TRPC6: variants seen among roughly 807,000 people sequenced by gnomAD.
TRPC6 encodes the protein transient receptor potential cation channel subfamily C member 6.
TRPC6 carries 55 observed loss-of-function variants against 90.7 expected under a neutral mutation model. That is an observed-to-expected ratio of 0.61 (90% CI 0.49 to 0.76). The LOEUF (loss-of-function observed/expected upper bound fraction) is 0.76, where lower values mean the gene tolerates loss of function less well. Ranked by LOEUF, TRPC6 falls within the 30% of genes least tolerant of loss-of-function variation. TRPC6 has a pLI of 0.00. For synonymous variants in TRPC6, 393 were observed against 393.0 expected (o/e 1.00, Z 0.00); for missense variants, 989 against 1,122.7 (o/e 0.88, Z 1.70).
intron 1 of TRPC6, among the ~76,000 whole-genome samples, chr11:101,552,056 G>A (rs746301290): frequency 9.2e-5 from 14 of 151,984 alleles, no homozygotes; most frequent in African/African-American, 2.4e-4. Context: ...GTCTTTTATC[G>A]GCATCCATGA....
chr11:101,523,802 C>A (rs1461735050), intron 1 of TRPC6, among the ~76,000 whole-genome samples: 3 of 152,204 alleles, frequency 2.0e-5, no homozygotes, highest in Admixed American at 2.0e-4. Context: ...AATGCATGTA[C>A]ATACAAGTAG....
chr11:101,530,793 C>T (rs1374604900), intron 1 of TRPC6, among the ~76,000 whole-genome samples: 3 of 152,016 alleles, frequency 2.0e-5, no homozygotes, highest in Admixed American at 1.3e-4. Context: ...TGGGACCCAA[C>T]AAAAGCAGAA....
rs371959897 is a variant in TRPC6, at chr11:101,567,071, T to TG, written c.170+16262dup. 2.4e-3 allele frequency among the ~76,000 whole-genome samples: 138 copies of TG among 58,144 alleles called. 1 individual carries two copies. Among genetic ancestry groups the TG allele is most frequent in the Middle Eastern group, 7.1e-3 (1 of 140 alleles). The allele number at this position is 58,144 out of a possible 152,430, so 38.1% of individuals were successfully genotyped here. On this transcript the variant is annotated intron_variant, in intron 1 of 12. Transcript: ENST00000344327. Reference sequence around the variant, plus strand: ...GGCTGAAGTCTGGCTCGGGGCGGGGTGGGGGGGGTCCAACCCCCATGGATC... The same window carrying TG: ...GGCTGAAGTCTGGCTCGGGGCGGGGTGGGGGGGGGTCCAACCCCCATGGATC...
chr11:101,452,637 G>A lies in TRPC6; in HGVS notation c.*318C>T, dbSNP rs1422139472. 11 of 293,452 alleles carry A rather than the reference G, an allele frequency of 3.7e-5. No individual in the cohort carries two copies. Among genetic ancestry groups the A allele is most frequent in the African/African-American group, 1.3e-4 (6 of 45,906 alleles). 18.2% of individuals were successfully genotyped at this position (293,452 alleles called of 1,614,324 possible). Reference sequence around the variant, plus strand: ...GAGTAACGTGGGTCAGCCCCTGTCCGCTGGGACCCATTTTCAGGCAGACAC... The same window carrying A: ...GAGTAACGTGGGTCAGCCCCTGTCCACTGGGACCCATTTTCAGGCAGACAC... On this transcript the variant is annotated 3_prime_UTR_variant, in exon 13 of 13. Coordinates refer to ENST00000344327, the MANE Select transcript of TRPC6 (RefSeq NM_004621.6).
intron 1 of TRPC6, among the ~76,000 whole-genome samples, chr11:101,572,568 T>C (rs921694293): frequency 6.6e-6 from 1 of 152,198 alleles, no homozygotes; most frequent in East Asian, 1.9e-4. Flanking sequence ...CATATGTTTA[T>C]TGCAGCACTG....
chr11:101,513,422 G>A (rs540794015), intron 1 of TRPC6, among the ~76,000 whole-genome samples: 55 of 152,158 alleles, frequency 3.6e-4, no homozygotes, highest in Middle Eastern at 3.4e-3. Context: ...CTCCTTGCTC[G>A]GGTGATGGGT....
chr11:101,500,541 T>G (rs1860093591), intron 2 of TRPC6, among the ~76,000 whole-genome samples: 2 of 152,092 alleles, frequency 1.3e-5, no homozygotes, highest in Non-Finnish European at 2.9e-5. Flanking sequence ...GGGTTGATTT[T>G]TGTAGTTTTT....
intron 7 of TRPC6, 24 bp downstream of exon 7, chr11:101,473,485 A>C (rs1859340840): frequency 6.2e-7 from 1 of 1,611,802 alleles, no homozygotes; most frequent in Non-Finnish European, 8.5e-7. Flanking sequence ...AATAACTATC[A>C]TCAAAATATC....
intron 1 of TRPC6, among the ~76,000 whole-genome samples, chr11:101,569,103 A>T (rs959471792): frequency 2.6e-5 from 4 of 152,092 alleles, no homozygotes; most frequent in African/African-American, 9.7e-5. Context: ...AGTGTGCTGT[A>T]TTCAGGAGAC....
At chr11:101,541,381 A>G (rs1861168861) in intron 1 of TRPC6, among the ~76,000 whole-genome samples, 1 of 151,536 alleles carries the variant, frequency 6.6e-6, no homozygotes, top group Non-Finnish European at 1.5e-5. Context: ...TTTTGTTTTG[A>G]GACGGAGTTT....
intron 4 of TRPC6, among the ~76,000 whole-genome samples, chr11:101,487,962 C>A (rs1206831709): frequency 6.6e-6 from 1 of 152,076 alleles, no homozygotes; most frequent in Admixed American, 6.6e-5. Flanking sequence ...AATTAGAAAA[C>A]AATATGTTAG....
chr11:101,484,864 T>G (rs1859639874), intron 4 of TRPC6, among the ~76,000 whole-genome samples: 1 of 152,102 alleles, frequency 6.6e-6, no homozygotes, highest in African/African-American at 2.4e-5. Context: ...AATTGACATA[T>G]ATTTGTACAT....
chr11:101,525,401 A>C (rs1404391787), intron 1 of TRPC6, among the ~76,000 whole-genome samples: 2 of 152,228 alleles, frequency 1.3e-5, no homozygotes, highest in African/African-American at 4.8e-5. Context: ...ACCGACAGCA[A>C]AGATGCTTAG....
chr11:101,453,096 C>T lies in TRPC6; in HGVS notation c.2655G>A (p.Lys885=), dbSNP rs1858800929. Residue 885 remains lysine, a synonymous_variant, in exon 13 of 13, where the codon AAG becomes AAA. Coordinates refer to ENST00000344327, the MANE Select transcript of TRPC6 (RefSeq NM_004621.6). ...GACTTGAGATGTCCTGCTTAATTTCCTTCAGTTCCCCTTTGAAAGCAAGAG... is the reference window on the plus strand; with the variant it reads ...GACTTGAGATGTCCTGCTTAATTTCTTTCAGTTCCCCTTTGAAAGCAAGAG... ...ESDEVNEGEL[K]EIKQDISSLR... is the part of the protein sequence containing the mutation. The T allele has an allele frequency of 2.5e-6, 4 of 1,611,894 alleles. No homozygotes were observed. The highest frequency in any genetic ancestry group is 3.4e-6 in the Non-Finnish European group (4 of 1,179,632).
At position 101,528,575 on chromosome 11, in the gene TRPC6, A is replaced by G. The variant is rs1363088096; in HGVS notation, c.171-23777T>C. On this transcript the variant is annotated intron_variant, in intron 1 of 12. Coordinates refer to ENST00000344327, the MANE Select transcript of TRPC6 (RefSeq NM_004621.6). The stretch of plus-strand genomic sequence containing the variant: ...TAGAGTTGCACATAATATGCACTCA[A>G]TAAATGTGTATATTACTATTGTATT... Among the ~76,000 whole-genome samples, 3 of 152,238 alleles carry G rather than the reference A, an allele frequency of 2.0e-5. No individual in the cohort carries two copies. In the South Asian group the frequency reaches 6.2e-4, roughly 32 times the overall value.
chr11:101,519,648 T>A (rs1565227316), intron 1 of TRPC6, among the ~76,000 whole-genome samples: 3 of 152,068 alleles, frequency 2.0e-5, no homozygotes, highest in Admixed American at 1.3e-4. Context: ...GGCTTCTTTC[T>A]TTCGTACTCC....
rs549834653 is a variant in TRPC6, at chr11:101,462,567, T to A, written c.2484+6860A>T. Among the ~76,000 whole-genome samples, 5 of 152,266 alleles carry A rather than the reference T, an allele frequency of 3.3e-5. No homozygotes were observed. In the South Asian group the frequency reaches 8.3e-4, roughly 25 times the overall value. On this transcript the variant is annotated intron_variant, in intron 10 of 12. Coordinates refer to ENST00000344327, the MANE Select transcript of TRPC6 (RefSeq NM_004621.6). ...ATTCCTAGGTATTTTATTCTCTTTGTAGCAATTGTGAATGGGAGTTCACTC... is the reference window on the plus strand; with the variant it reads ...ATTCCTAGGTATTTTATTCTCTTTGAAGCAATTGTGAATGGGAGTTCACTC...
rs200082005 is a variant in TRPC6, at chr11:101,583,541, G to A, written c.-38C>T. 9.4e-5 allele frequency: 133 copies of A among 1,417,304 alleles called. No homozygotes were observed. Among genetic ancestry groups the A allele is most frequent in the Non-Finnish European group, 1.1e-4 (125 of 1,091,378 alleles). The allele number at this position is 1,417,304 out of a possible 1,614,324, so 87.8% of individuals were successfully genotyped here. A position where few individuals can be genotyped will look rare whatever the true frequency, so the allele number is the denominator to read the frequency against. ...CGACTGGCCTGGGCCCCGCTCCCGGGGGAGCCGAGTGGGCAGTTCCAGCGG... is the reference window on the plus strand; with the variant it reads ...CGACTGGCCTGGGCCCCGCTCCCGGAGGAGCCGAGTGGGCAGTTCCAGCGG... On this transcript the variant is annotated 5_prime_UTR_variant, in exon 1 of 13. Coordinates refer to ENST00000344327, the MANE Select transcript of TRPC6 (RefSeq NM_004621.6).
chr11:101,507,363 G>A (rs1860299350), intron 1 of TRPC6, among the ~76,000 whole-genome samples: 1 of 150,864 alleles, frequency 6.6e-6, no homozygotes, highest in Non-Finnish European at 1.5e-5. Context: ...AATCTAGACA[G>A]CAGTTGCTGT....
Sources: gnomAD v4.1 joint callset for allele counts (sites outside exome capture counted in the v4.1 genomes callset) on GRCh38, gnomAD v4.1.1 for gene constraint, MANE v1.5 for transcripts, NCBI Gene and HGNC (gene_info 2026-07-23, HGNC 2026-07-21) for gene names.